Variants in ADAMTS3 observed in about 807,000 individuals in gnomAD.
ADAMTS3 encodes the protein ADAM metallopeptidase with thrombospondin type 1 motif 3.
Under a neutral mutation model 129.0 loss-of-function variants are expected in ADAMTS3, and 73 were observed. The ratio of observed to expected loss-of-function variants is 0.57; its 90% CI spans 0.47 to 0.69. The LOEUF (loss-of-function observed/expected upper bound fraction) is 0.69. Among genes scored for constraint, ADAMTS3 ranks in the 30% least tolerant of loss-of-function variants. The pLI, the probability that ADAMTS3 is intolerant of heterozygous loss-of-function variation, is 0.00. For synonymous variants in ADAMTS3, 477 were observed against 510.8 expected (o/e 0.93, Z 0.89); for missense variants, 1,457 against 1,514.5 (o/e 0.96, Z 0.63).
chr4:72,323,408 A>G (rs1719616634), intron 5 of ADAMTS3, among the ~76,000 whole-genome samples: 1 of 152,218 alleles, frequency 6.6e-6, no homozygotes. Context: ...ATTAGCCAAA[A>G]GCAACCACAG....
chr4:72,549,962 A>AAAGAAGAAG (rs71655715), intron 2 of ADAMTS3, among the ~76,000 whole-genome samples: 3 of 30,914 alleles, frequency 9.7e-5, no homozygotes, highest in African/African-American at 3.6e-4. Context: ...AAAAAAAAAA[A>AAAGAAGAAG]AAGAAGAAGA....
At chr4:72,543,589 T>C (rs548131260) in intron 3 of ADAMTS3, among the ~76,000 whole-genome samples, 13 of 152,260 alleles carry the variant, frequency 8.5e-5, no homozygotes, top group African/African-American at 2.9e-4. Context: ...TTAAGGACGT[T>C]ATACTAAATG....
In ADAMTS3 at chr4:72,319,437, C is replaced by G; in HGVS notation, c.1247G>C (p.Gly416Ala). The change falls in exon 9 of 22, where the codon GGT (glycine) becomes GCT (alanine). Residue 416 changes from glycine (G) to alanine (A), a missense_variant. By Grantham distance (60) the Gly-to-Ala change is moderately conservative. Transcript: ENST00000286657. ...MEHDGQGNRC[G>A]DETAMGSVMA... ...GACACTTCCCATAGCAGTCTCATCA[C>G]CACACCTGTTGCCTTGTCCATCATG... 1 of 1,613,912 alleles carries G rather than the reference C, an allele frequency of 6.2e-7. No individual in the cohort carries two copies. Among genetic ancestry groups the G allele is most frequent in the Non-Finnish European group, 8.5e-7 (1 of 1,179,902 alleles).
intron 4 of ADAMTS3, among the ~76,000 whole-genome samples, chr4:72,344,768 T>A (rs1720236160): frequency 6.6e-6 from 1 of 151,974 alleles, no homozygotes; most frequent in Non-Finnish European, 1.5e-5. Flanking sequence ...TATGGGGTGA[T>A]CCTAGGATAA....
chr4:72,292,547 C>A (rs1306936621), intron 19 of ADAMTS3, among the ~76,000 whole-genome samples: 1 of 152,122 alleles, frequency 6.6e-6, no homozygotes, highest in Non-Finnish European at 1.5e-5. Flanking sequence ...GGGGACATTC[C>A]CAAATTCTAA....
chr4:72,320,220 G>C lies in ADAMTS3; in HGVS notation c.1103-257C>G, dbSNP rs372320279. Among the ~76,000 whole-genome samples, 5 of 152,238 alleles carry C rather than the reference G, an allele frequency of 3.3e-5. No homozygotes were observed. The South Asian group carries it at 1.0e-3, about 32-fold the overall frequency. ...GGTTACCATTTTCTTCTGCCCACCA[G>C]CTAAGCCCTGCCTTTCTGTTTTAGT... On this transcript the variant is annotated intron_variant, in intron 7 of 21. Coordinates refer to ENST00000286657, the MANE Select transcript of ADAMTS3 (RefSeq NM_014243.3).
intron 3 of ADAMTS3, among the ~76,000 whole-genome samples, chr4:72,517,932 G>T (rs1260727037): frequency 3.3e-5 from 5 of 150,452 alleles, no homozygotes; most frequent in Non-Finnish European, 7.4e-5. Flanking sequence ...TGATGTTAGG[G>T]TGTCAATTTT....
intron 3 of ADAMTS3, among the ~76,000 whole-genome samples, chr4:72,475,151 T>G (rs1056378077): frequency 6.6e-6 from 1 of 151,770 alleles, no homozygotes; most frequent in Non-Finnish European, 1.5e-5. Flanking sequence ...AGTACCAAAC[T>G]TAAGCCCTAA....
intron 2 of ADAMTS3, among the ~76,000 whole-genome samples, 155 bp from the exon 3 acceptor site, chr4:72,549,039 C>T (rs938121427): frequency 1.3e-5 from 2 of 152,006 alleles, no homozygotes; most frequent in African/African-American, 4.8e-5. Context: ...ATTTTGAGAA[C>T]AAAAATCATT....
intron 4 of ADAMTS3, among the ~76,000 whole-genome samples, chr4:72,390,893 T>A (rs1489659172): frequency 4.1e-5 from 6 of 145,376 alleles, no homozygotes; most frequent in Non-Finnish European, 6.0e-5. Flanking sequence ...TAGAAAAAAT[T>A]AAAAAAAAAA....
intron 3 of ADAMTS3, among the ~76,000 whole-genome samples, chr4:72,522,780 A>G (rs1050473342): frequency 4.6e-5 from 7 of 152,184 alleles, no homozygotes; most frequent in African/African-American, 1.7e-4. Flanking sequence ...AGTGTTAAAA[A>G]TGCTTAAAAC....
chr4:72,552,710 C>T (rs1359579823), intron 2 of ADAMTS3, among the ~76,000 whole-genome samples: 1 of 152,174 alleles, frequency 6.6e-6, no homozygotes, highest in East Asian at 1.9e-4. Context: ...TTTGTACTTG[C>T]TGATTCCTCT....
At chr4:72,350,020 G>A (rs978037222) in intron 4 of ADAMTS3, among the ~76,000 whole-genome samples, 3 of 151,898 alleles carry the variant, frequency 2.0e-5, no homozygotes, top group South Asian at 4.2e-4. Context: ...ACAGAACAAC[G>A]TTTGCTATCT....
chr4:72,563,770 T>C (rs1364045638), intron 2 of ADAMTS3, among the ~76,000 whole-genome samples: 2 of 152,126 alleles, frequency 1.3e-5, no homozygotes, highest in African/African-American at 4.8e-5. Context: ...ATTCAGAACA[T>C]AGATAAACCT....
intron 5 of ADAMTS3, among the ~76,000 whole-genome samples, chr4:72,326,950 A>G (rs1719714372): frequency 6.6e-6 from 1 of 152,138 alleles, no homozygotes; most frequent in South Asian, 2.1e-4. Flanking sequence ...CATACACCTG[A>G]ATGTGCTTAC....
rs568547735 is a variant in ADAMTS3, at chr4:72,313,081, AGAAAAAGCT to A, written c.1745+587_1745+595del. ...AGACATCCTGCTGCCAGAAACAGAG[AGAAAAAGCT>A]GCTCACATATTAAACCCTAGACAAG... On this transcript the variant is annotated intron_variant, in intron 12 of 21. Coordinates refer to ENST00000286657, the MANE Select transcript of ADAMTS3 (RefSeq NM_014243.3). 9.2e-3 allele frequency among the ~76,000 whole-genome samples: 1,394 copies of A among 152,298 alleles called. 11 individuals are homozygous for A. Among genetic ancestry groups the A allele is most frequent in the Non-Finnish European group, 0.016 (1,085 of 68,012 alleles).
rs113238183 is a variant in ADAMTS3, at chr4:72,399,307, C to G, written c.661+15508G>C. ...AATTAGCTGAGTGTGGTGGTGCACA[C>G]CTGTAGTCCCAGTTACTGGGGAGGC... is the stretch of plus-strand genomic sequence containing the variant. On this transcript the variant is annotated intron_variant, in intron 4 of 21. Coordinates refer to ENST00000286657, the MANE Select transcript of ADAMTS3 (RefSeq NM_014243.3). Among the ~76,000 whole-genome samples, 1,421 of 152,060 alleles carry G rather than the reference C, an allele frequency of 9.3e-3. 30 individuals are homozygous for G. The highest frequency in any genetic ancestry group is 0.033 in the African/African-American group (1,357 of 41,460).
At position 72,568,818 on chromosome 4, in the gene ADAMTS3, C is replaced by T; in HGVS notation, c.-56G>A. 8.8e-7 allele frequency: 1 copy of T among 1,131,544 alleles called. No homozygotes were observed. Among genetic ancestry groups the T allele is most frequent in the Non-Finnish European group, 1.2e-6 (1 of 812,990 alleles). 70.1% of individuals were successfully genotyped at this position (1,131,544 alleles called of 1,614,324 possible). A position where few individuals can be genotyped will look rare whatever the true frequency, so the allele number is the denominator to read the frequency against. ...GCAAAGCAAATGCCCAGAGCAAACC[C>T]ACCCCCCCCGCCCAAAATAAGTTTC... On this transcript the variant is annotated 5_prime_UTR_variant, in exon 1 of 22. Coordinates refer to ENST00000286657, the MANE Select transcript of ADAMTS3 (RefSeq NM_014243.3).
At chr4:72,363,915 A>G (rs534519685) in intron 4 of ADAMTS3, among the ~76,000 whole-genome samples, 1 of 152,274 alleles carries the variant, frequency 6.6e-6, no homozygotes, top group Non-Finnish European at 1.5e-5. Flanking sequence ...GATGATGGTG[A>G]TGGCGACGAT....
Sources: allele counts gnomAD v4.1 joint callset (sites outside exome capture counted in the v4.1 genomes callset), GRCh38; gene constraint gnomAD v4.1.1; transcripts MANE v1.5; gene names NCBI Gene and HGNC (gene_info 2026-07-23, HGNC 2026-07-21).